The following CAMK2B variants were observed in gnomAD, a reference collection of about 807,000 sequenced individuals.
The protein encoded by CAMK2B is calcium/calmodulin-dependent protein kinase type II subunit beta.
In CAMK2B, 27 loss-of-function variants were observed where a neutral mutation model predicts 93.7. The ratio of observed to expected loss-of-function variants is 0.29; its 90% CI spans 0.21 to 0.40. CAMK2B has a LOEUF of 0.40. CAMK2B is among the 10% of genes least tolerant of loss of function. CAMK2B has a pLI of 1.00. For missense variants in CAMK2B, 568 were observed against 895.8 expected (o/e 0.63, Z 4.67); for synonymous variants, 374 against 358.8 (o/e 1.04, Z -0.48).
chr7:44,221,237 G>A (rs2096400588), intron 20 of CAMK2B, among the ~76,000 whole-genome samples: 2 of 152,194 alleles, frequency 1.3e-5, no homozygotes, highest in Non-Finnish European at 2.9e-5. Context: ...CCCACGTGCT[G>A]TCCGCCACAG....
At chr7:44,265,616 T>C (rs376373061) in intron 2 of CAMK2B, among the ~76,000 whole-genome samples, 24 of 152,244 alleles carry the variant, frequency 1.6e-4, no homozygotes, top group African/African-American at 5.1e-4. Context: ...AGATAATTTA[T>C]ATGCCTGTGT....
chr7:44,296,106 A>G (rs1046640220), intron 1 of CAMK2B, among the ~76,000 whole-genome samples: 1 of 152,224 alleles, frequency 6.6e-6, no homozygotes, highest in Non-Finnish European at 1.5e-5. Flanking sequence ...TAGTCTGAAG[A>G]TACAGAGCAT....
chr7:44,294,835 T>A (rs1018635792), intron 1 of CAMK2B, among the ~76,000 whole-genome samples: 3 of 152,054 alleles, frequency 2.0e-5, no homozygotes, highest in Non-Finnish European at 4.4e-5. Context: ...CACCCACCCC[T>A]CCCAACAAAA....
chr7:44,249,164 CCCT>C (rs1417699382), intron 5 of CAMK2B, among the ~76,000 whole-genome samples: 3 of 152,188 alleles, frequency 2.0e-5, no homozygotes, highest in African/African-American at 7.2e-5. Flanking sequence ...CTGGACCAGC[CCCT>C]CCTCCTTGTT....
chr7:44,322,159 C>T (rs575972330), intron 1 of CAMK2B, among the ~76,000 whole-genome samples: 13 of 152,172 alleles, frequency 8.5e-5, no homozygotes, highest in African/African-American at 2.9e-4. Flanking sequence ...CAGCAGCCTG[C>T]GATCAAACAC....
intron 13 of CAMK2B, among the ~76,000 whole-genome samples, chr7:44,238,695 C>T (rs1279147044): frequency 6.6e-6 from 1 of 152,232 alleles, no homozygotes; most frequent in Non-Finnish European, 1.5e-5. Context: ...GGTCCCCAGC[C>T]CACGTTGGAG....
At chr7:44,232,950 G>A (rs1167726392) in intron 15 of CAMK2B, 84 bp from the exon 16 acceptor site, 3 of 1,223,104 alleles carry the variant, frequency 2.5e-6, no homozygotes, top group Middle Eastern at 1.9e-4. Context: ...AGGGGAACAG[G>A]GAGACAGAGG....
intron 1 of CAMK2B, among the ~76,000 whole-genome samples, chr7:44,306,469 A>G (rs917554163): frequency 6.6e-6 from 1 of 152,226 alleles, no homozygotes; most frequent in Non-Finnish European, 1.5e-5. Flanking sequence ...TGCATTAAGC[A>G]AAGAGCAAAA....
intron 19 of CAMK2B, among the ~76,000 whole-genome samples, chr7:44,228,005 C>T (rs917705326): frequency 2.0e-5 from 3 of 151,062 alleles, no homozygotes; most frequent in Non-Finnish European, 3.0e-5. Flanking sequence ...CAGCGTGGTG[C>T]GTGGAGAGGA....
At chr7:44,275,091 C>T (rs894857280) in intron 2 of CAMK2B, among the ~76,000 whole-genome samples, 9 of 152,330 alleles carry the variant, frequency 5.9e-5, no homozygotes, top group African/African-American at 1.7e-4. Flanking sequence ...GCTGGAAATG[C>T]GGAAGGACGC....
chr7:44,300,032 G>C (rs1789494353), intron 1 of CAMK2B, among the ~76,000 whole-genome samples: 2 of 151,148 alleles, frequency 1.3e-5, no homozygotes, highest in Admixed American at 6.6e-5. Flanking sequence ...GTGTGTGTGT[G>C]TGTGTGTGTG....
intron 5 of CAMK2B, among the ~76,000 whole-genome samples, chr7:44,247,581 C>T (rs571776805): frequency 1.1e-4 from 17 of 151,148 alleles, no homozygotes; most frequent in East Asian, 6.0e-4. Flanking sequence ...GCCGGGCGAG[C>T]GGGCTAGAAA....
intron 2 of CAMK2B, among the ~76,000 whole-genome samples, chr7:44,265,504 G>A (rs1466443837): frequency 1.3e-5 from 2 of 152,230 alleles, no homozygotes; most frequent in Non-Finnish European, 2.9e-5. Context: ...ACCAGGGCAC[G>A]TAGTTTCCTT....
chr7:44,229,249 G>C, intron 18 of CAMK2B, 139 bp downstream of exon 18: 2 of 641,426 alleles, frequency 3.1e-6, no homozygotes, highest in South Asian at 4.1e-5. Flanking sequence ...ACCCTGGAAA[G>C]CCCCAGTGAG....
At chr7:44,316,089 C>T (rs915007320) in intron 1 of CAMK2B, among the ~76,000 whole-genome samples, 5 of 152,130 alleles carry the variant, frequency 3.3e-5, no homozygotes, top group Admixed American at 6.5e-5. Flanking sequence ...TCTCCTATAC[C>T]GTGCTGCCTA....
chr7:44,290,296 C>T (rs180734971), intron 1 of CAMK2B, among the ~76,000 whole-genome samples: 12 of 152,362 alleles, frequency 7.9e-5, no homozygotes, highest in Admixed American at 7.2e-4. Flanking sequence ...CCAGTTTTTG[C>T]GTCTGACGCT....
intron 6 of CAMK2B, among the ~76,000 whole-genome samples, chr7:44,246,435 CCACA>C (rs1000050549): frequency 1.2e-4 from 19 of 152,026 alleles, no homozygotes; most frequent in African/African-American, 4.6e-4. Context: ...ACACACATGC[CCACA>C]CAGACACACA....
At position 44,318,550 on chromosome 7, in the gene CAMK2B, T is replaced by C. The variant is rs138472584; in HGVS notation, c.65+6807A>G. Among the ~76,000 whole-genome samples the C allele has an allele frequency of 7.5e-4, 114 of 152,324 alleles. 2 individuals are homozygous for C. The East Asian group carries it at 0.02, about 27-fold the overall frequency. On this transcript the variant is annotated intron_variant, in intron 1 of 23. Coordinates refer to ENST00000395749, the MANE Select transcript of CAMK2B (RefSeq NM_001220.5). ...GAATCAAGGCTCCTCAGCTCCTTGC[T>C]GGAAACGGCACTCACTGGGATGTGC...
chr7:44,303,834 T>C (rs779049151), intron 1 of CAMK2B, among the ~76,000 whole-genome samples: 3 of 152,102 alleles, frequency 2.0e-5, no homozygotes, highest in Non-Finnish European at 2.9e-5. Context: ...TTGGAGAAAA[T>C]ATCTACAAAA....
Sources: allele counts gnomAD v4.1 joint callset (sites outside exome capture counted in the v4.1 genomes callset), GRCh38; gene constraint gnomAD v4.1.1; transcripts MANE v1.5; gene names NCBI Gene and HGNC (gene_info 2026-07-23, HGNC 2026-07-21).